Variants in LIN28B observed in about 807,000 individuals in gnomAD.
LIN28B encodes the protein protein lin-28 homolog B.
A neutral mutation model predicts 21.9 loss-of-function variants in LIN28B; 5 were observed. That is an observed-to-expected ratio of 0.23 (90% CI 0.12 to 0.48). The LOEUF is 0.48. Ranked by LOEUF, LIN28B falls within the 20% of genes least tolerant of loss-of-function variation. LIN28B has a pLI of 0.98. For missense variants in LIN28B, 245 were observed against 310.5 expected (o/e 0.79, Z 1.58); for synonymous variants, 109 against 111.3 (o/e 0.98, Z 0.13).
At chr6:105,005,874 G>C (rs927180346) in intron 2 of LIN28B, among the ~76,000 whole-genome samples, 1 of 152,158 alleles carries the variant, frequency 6.6e-6, no homozygotes, top group Non-Finnish European at 1.5e-5. Flanking sequence ...TAACACTTGT[G>C]TTGATTCTTT....
At chr6:104,973,545 C>T (rs1260334089) in intron 2 of LIN28B, among the ~76,000 whole-genome samples, 3 of 152,176 alleles carry the variant, frequency 2.0e-5, no homozygotes, top group African/African-American at 4.8e-5. Context: ...CCCCCACTCC[C>T]CTTTGGGAAG....
intron 3 of LIN28B, among the ~76,000 whole-genome samples, chr6:105,067,083 T>C (rs1772233453): frequency 1.3e-5 from 2 of 152,194 alleles, no homozygotes; most frequent in Non-Finnish European, 2.9e-5. Context: ...TGGTTTTAAG[T>C]TTTCGGCAAG....
At chr6:105,043,366 A>G (rs1771681578) in intron 3 of LIN28B, among the ~76,000 whole-genome samples, 1 of 147,548 alleles carries the variant, frequency 6.8e-6, no homozygotes, top group Non-Finnish European at 1.5e-5. Flanking sequence ...AAAAAAAAAA[A>G]AAAAAAGAAA....
At chr6:104,969,720 AATG>A (rs1166426814) in intron 2 of LIN28B, among the ~76,000 whole-genome samples, 1 of 152,216 alleles carries the variant, frequency 6.6e-6, no homozygotes, top group Admixed American at 6.5e-5. Context: ...TTTGAAATGT[AATG>A]ATTACTTTTA....
At chr6:104,983,392 A>G (rs1263408990) in intron 2 of LIN28B, among the ~76,000 whole-genome samples, 2 of 152,244 alleles carry the variant, frequency 1.3e-5, no homozygotes, top group African/African-American at 2.4e-5. Context: ...AATGATAGAC[A>G]TTCCTCTTCT....
chr6:105,070,732 C>A (rs1440479687), intron 3 of LIN28B, among the ~76,000 whole-genome samples: 8 of 151,962 alleles, frequency 5.3e-5, no homozygotes, highest in Non-Finnish European at 8.8e-5. Flanking sequence ...GAGCCCTTAT[C>A]ACGCCACTGC....
intron 3 of LIN28B, among the ~76,000 whole-genome samples, chr6:105,053,828 G>T (rs950929070): frequency 6.6e-6 from 1 of 151,828 alleles, no homozygotes; most frequent in Non-Finnish European, 1.5e-5. Flanking sequence ...AGCCTCCCGG[G>T]TTCAAGTAAT....
In LIN28B at chr6:105,049,486, G is replaced by T. The variant is rs537040999; in HGVS notation, c.383+23004G>T. 2.8e-4 allele frequency among the ~76,000 whole-genome samples: 43 copies of T among 152,312 alleles called. No individual in the cohort carries two copies. In the South Asian group the frequency reaches 8.7e-3, roughly 31 times the overall value. ...AGAAGAATGGATATTCTGTTGATTT[G>T]GGGTGGAGAGTTCTGTAGATGTCTA... On this transcript the variant is annotated intron_variant, in intron 3 of 3. Coordinates refer to ENST00000345080, the MANE Select transcript of LIN28B (RefSeq NM_001004317.4).
chr6:104,956,997 C>T, upstream of LIN28B: 8 of 1,132,210 alleles, frequency 7.1e-6, no homozygotes, highest in Non-Finnish European at 8.2e-6. Flanking sequence ...ATCTCTTCCT[C>T]TTGCCAGCCC....
At chr6:105,032,558 T>C (rs954658055) in intron 3 of LIN28B, among the ~76,000 whole-genome samples, 4 of 151,864 alleles carry the variant, frequency 2.6e-5, no homozygotes, top group African/African-American at 7.3e-5. Context: ...AACCCTGTCA[T>C]TGCAAAAAGT....
At chr6:105,076,263 T>A (rs534936035) in intron 3 of LIN28B, among the ~76,000 whole-genome samples, 27 of 152,192 alleles carry the variant, frequency 1.8e-4, no homozygotes, top group Admixed American at 8.5e-4. Context: ...TGATTCAGTC[T>A]GTCCTAAGAT....
intron 2 of LIN28B, among the ~76,000 whole-genome samples, chr6:104,970,814 A>G (rs1346516411): frequency 6.6e-6 from 1 of 152,114 alleles, no homozygotes; most frequent in Non-Finnish European, 1.5e-5. Flanking sequence ...AATTAGATGT[A>G]TTTCTTCTTG....
At chr6:105,025,877 T>G (rs1359153459) in intron 2 of LIN28B, among the ~76,000 whole-genome samples, 1 of 152,068 alleles carries the variant, frequency 6.6e-6, no homozygotes, top group African/African-American at 2.4e-5. Context: ...CTAATAAAAC[T>G]TCTCTTAATG....
chr6:104,944,702 A>T (rs1346494292), intron 2 of LIN28B, among the ~76,000 whole-genome samples: 2 of 152,136 alleles, frequency 1.3e-5, no homozygotes, highest in African/African-American at 4.8e-5. Context: ...AAATTACCTG[A>T]AAAGTAATGT....
At chr6:104,965,996 G>A (rs974676304) in intron 2 of LIN28B, among the ~76,000 whole-genome samples, 1 of 152,184 alleles carries the variant, frequency 6.6e-6, no homozygotes, top group African/African-American at 2.4e-5. Context: ...AGGGAAGTAA[G>A]TTACCTTGTC....
At chr6:104,960,350 A>G (rs1201358919) in intron 2 of LIN28B, among the ~76,000 whole-genome samples, 1 of 152,188 alleles carries the variant, frequency 6.6e-6, no homozygotes, top group Admixed American at 6.5e-5. Context: ...TGCATCACTT[A>G]TGGAATAAGG....
chr6:105,068,618 C>T (rs576929478), intron 3 of LIN28B, among the ~76,000 whole-genome samples: 15 of 152,058 alleles, frequency 9.9e-5, no homozygotes, highest in Non-Finnish European at 2.1e-4. Context: ...TCCAAACACA[C>T]GATTTATTAT....
At chr6:105,051,935 T>C (rs1372624512) in intron 3 of LIN28B, among the ~76,000 whole-genome samples, 1 of 152,208 alleles carries the variant, frequency 6.6e-6, no homozygotes, top group Non-Finnish European at 1.5e-5. Flanking sequence ...TAGTGATAAA[T>C]GCTGTGAAGA....
chr6:104,999,833 A>G (rs1403221515), intron 2 of LIN28B, among the ~76,000 whole-genome samples: 2 of 152,068 alleles, frequency 1.3e-5, no homozygotes, highest in Non-Finnish European at 2.9e-5. Context: ...GGCATGTGCC[A>G]CCATGCCTGG....
Sources: allele counts gnomAD v4.1 joint callset (sites outside exome capture counted in the v4.1 genomes callset), GRCh38; gene constraint gnomAD v4.1.1; transcripts MANE v1.5; gene names NCBI Gene and HGNC (gene_info 2026-07-23, HGNC 2026-07-21).